Variants in MAP4K3 observed in about 807,000 individuals in gnomAD.
MAP4K3 encodes mitogen-activated protein kinase kinase kinase kinase 3, also known as MAPK/ERK kinase kinase kinase 3.
In MAP4K3, 94 loss-of-function variants were observed where a neutral mutation model predicts 143.5. The ratio of observed to expected loss-of-function variants is 0.65; its 90% CI spans 0.55 to 0.78. The LOEUF is 0.78. Ranked by LOEUF, MAP4K3 falls within the 30% of genes least tolerant of loss-of-function variation. MAP4K3 has a pLI of 0.00. For missense variants in MAP4K3, 1,077 were observed against 1,068.1 expected, an observed-to-expected ratio of 1.01 and a Z score of -0.12; for synonymous variants, 416 against 347.2, an observed-to-expected ratio of 1.20 and a Z score of -2.20.
At chr2:39,360,873 T>C (rs1203605092) in intron 2 of MAP4K3, among the ~76,000 whole-genome samples, 1 of 152,062 alleles carries the variant, frequency 6.6e-6, no homozygotes, top group Non-Finnish European at 1.5e-5. Context: ...TCCCATAACA[T>C]GTGGGGATTA....
chr2:39,251,800 C>CTG, intron 33 of MAP4K3, 30 bp downstream of exon 33: 1 of 1,573,822 alleles, frequency 6.4e-7, no homozygotes, highest in Non-Finnish European at 8.7e-7. Flanking sequence ...ACGTTTAGTA[C>CTG]TGTGTATTTA....
chr2:39,371,151 G>C (rs1666070240), intron 2 of MAP4K3, among the ~76,000 whole-genome samples: 1 of 152,100 alleles, frequency 6.6e-6, no homozygotes, highest in South Asian at 2.1e-4. Flanking sequence ...CTACACGCCA[G>C]AGAAATCTTA....
At chr2:39,378,194 G>C in intron 1 of MAP4K3, 71 bp from the exon 2 acceptor site, 6 of 775,838 alleles carry the variant, frequency 7.7e-6, no homozygotes, top group Non-Finnish European at 1.3e-5. Flanking sequence ...TTTCACTTTA[G>C]CTTACTGTTT....
At chr2:39,251,597 A>G (rs1680157210) in intron 33 of MAP4K3, among the ~76,000 whole-genome samples, 1 of 152,186 alleles carries the variant, frequency 6.6e-6, no homozygotes, top group Non-Finnish European at 1.5e-5. Context: ...TGCAAATCAG[A>G]TGTCAGTATG....
At chr2:39,382,779 G>A (rs568741528) in intron 1 of MAP4K3, among the ~76,000 whole-genome samples, 1 of 152,318 alleles carries the variant, frequency 6.6e-6, no homozygotes, top group South Asian at 2.1e-4. Context: ...TACACAGTCA[G>A]GTTTGGGGAC....
chr2:39,363,992 T>TA (rs70957104), intron 2 of MAP4K3, among the ~76,000 whole-genome samples: 99,443 of 129,034 alleles, frequency 0.77, 40,432 homozygotes, highest in Non-Finnish European at 0.91. Context: ...ATAGCCATTA[T>TA]AAAAAAAAAA....
intron 29 of MAP4K3, among the ~76,000 whole-genome samples, chr2:39,259,318 A>C (rs1399938903): frequency 6.6e-6 from 1 of 152,160 alleles, no homozygotes; most frequent in African/African-American, 2.4e-5. Context: ...ATAAATGAAC[A>C]GCTCCGGGGG....
intron 32 of MAP4K3, 151 bp downstream of exon 32, chr2:39,254,299 G>A (rs752753921): frequency 5.2e-6 from 3 of 579,140 alleles, no homozygotes; most frequent in Admixed American, 2.7e-5. Context: ...TGGACATAGA[G>A]TATGGGCTAC....
intron 1 of MAP4K3, among the ~76,000 whole-genome samples, chr2:39,382,016 C>G (rs2148585222): frequency 6.6e-6 from 1 of 152,318 alleles, no homozygotes; most frequent in Middle Eastern, 3.4e-3. Flanking sequence ...TCCTGCAGGT[C>G]TAGACCGATC....
intron 12 of MAP4K3, among the ~76,000 whole-genome samples, chr2:39,321,315 A>T (rs878933081): frequency 3.3e-5 from 5 of 152,172 alleles, no homozygotes; most frequent in African/African-American, 9.7e-5. Flanking sequence ...TCTCTGAAAC[A>T]TGTGCTGTGT....
At position 39,348,195 on chromosome 2, in the gene MAP4K3, T is replaced by A. The variant is rs151189457; in HGVS notation, c.246-4743A>T. 3.7e-3 allele frequency among the ~76,000 whole-genome samples: 558 copies of A among 152,190 alleles called. 5 individuals are homozygous for A. The highest frequency in any genetic ancestry group is 0.013 in the African/African-American group (534 of 41,552). On this transcript the variant is annotated intron_variant, in intron 3 of 33. Transcript: ENST00000263881. ...AAACAATTTTCCTTGCTAGAGAAAA[T>A]GAATGCAGGAAATGAGTTCTCGCTT... is the stretch of plus-strand genomic sequence containing the variant.
chr2:39,404,073 G>A (rs542477885), intron 1 of MAP4K3, among the ~76,000 whole-genome samples: 3 of 152,096 alleles, frequency 2.0e-5, no homozygotes, highest in East Asian at 3.9e-4. Flanking sequence ...ATAACCAGCA[G>A]CAAAACCCAG....
chr2:39,267,356 C>A, intron 26 of MAP4K3, 109 bp from the exon 27 acceptor site: 2 of 768,804 alleles, frequency 2.6e-6, no homozygotes, highest in Non-Finnish European at 4.5e-6. Context: ...CTGGTGCTGA[C>A]ATACTAGCTC....
At chr2:39,354,849 A>C (rs1481955934) in intron 3 of MAP4K3, among the ~76,000 whole-genome samples, 1 of 152,174 alleles carries the variant, frequency 6.6e-6, no homozygotes, top group African/African-American at 2.4e-5. Flanking sequence ...GAAGAGAAAA[A>C]GTGTTTTGTA....
intron 32 of MAP4K3, among the ~76,000 whole-genome samples, chr2:39,253,240 T>G (rs1680217321): frequency 6.6e-6 from 1 of 152,192 alleles, no homozygotes; most frequent in African/African-American, 2.4e-5. Context: ...CAAGCGATTC[T>G]CCTGCCTCAG....
At chr2:39,350,315 C>T (rs530157525) in intron 3 of MAP4K3, among the ~76,000 whole-genome samples, 3 of 152,298 alleles carry the variant, frequency 2.0e-5, no homozygotes, top group East Asian at 1.9e-4. Flanking sequence ...CTAATAGTAT[C>T]GCACCAATGT....
intron 15 of MAP4K3, among the ~76,000 whole-genome samples, chr2:39,305,201 A>T (rs2708224): frequency 6.6e-6 from 1 of 152,080 alleles, no homozygotes; most frequent in Non-Finnish European, 1.5e-5. Flanking sequence ...ACATTAAAAC[A>T]GTAAATTTCG....
chr2:39,285,725 T>C (rs1681744756), intron 21 of MAP4K3, among the ~76,000 whole-genome samples: 1 of 152,172 alleles, frequency 6.6e-6, no homozygotes, highest in Non-Finnish European at 1.5e-5. Context: ...ATACCGAATA[T>C]ACTAGAAATT....
intron 3 of MAP4K3, among the ~76,000 whole-genome samples, chr2:39,348,554 C>T (rs1025373655): frequency 3.9e-5 from 6 of 151,982 alleles, no homozygotes; most frequent in African/African-American, 1.2e-4. Context: ...AAGCCATATG[C>T]CTAATAGGAA....
Sources: allele counts gnomAD v4.1 joint callset (sites outside exome capture counted in the v4.1 genomes callset), GRCh38; gene constraint gnomAD v4.1.1; transcripts MANE v1.5; gene names NCBI Gene and HGNC (gene_info 2026-07-23, HGNC 2026-07-21).